Variants in COL25A1 observed in about 807,000 individuals in gnomAD.
COL25A1 encodes the protein collagen type XXV alpha 1 chain.
A neutral mutation model predicts 128.4 loss-of-function variants in COL25A1; 103 were observed. That is an observed-to-expected ratio of 0.80 (90% CI 0.68 to 0.94). The LOEUF is 0.94. Among genes scored for constraint, COL25A1 ranks in the 40% least tolerant of loss-of-function variants. COL25A1 has a pLI of 0.00. For synonymous variants in COL25A1, 279 were observed against 277.2 expected (o/e 1.01, Z -0.06); for missense variants, 745 against 840.0 (o/e 0.89, Z 1.40).
intron 6 of COL25A1, among the ~76,000 whole-genome samples, chr4:109,007,418 T>C (rs1756130331): frequency 6.6e-6 from 1 of 152,196 alleles, no homozygotes; most frequent in Non-Finnish European, 1.5e-5. Flanking sequence ...AATATTATGA[T>C]AATGATGTAG....
rs111976168 is a variant in COL25A1, at chr4:109,108,205, G to A, written c.368-58026C>T. ...CTCCCCCCACCCCACAACAGGCCCC[G>A]GTGTGTGATGTTCCCCTTCCTGTAT... On this transcript the variant is annotated intron_variant, in intron 3 of 37. Coordinates refer to ENST00000399132, the MANE Select transcript of COL25A1 (RefSeq NM_198721.4). 3.5e-3 allele frequency among the ~76,000 whole-genome samples: 527 copies of A among 152,102 alleles called. 3 individuals are homozygous for A. Among genetic ancestry groups the A allele is most frequent in the African/African-American group, 0.012 (502 of 41,474 alleles).
At chr4:108,894,388 G>T (rs1332286355) in intron 16 of COL25A1, among the ~76,000 whole-genome samples, 1 of 152,012 alleles carries the variant, frequency 6.6e-6, no homozygotes, top group African/African-American at 2.4e-5. Context: ...ACTGCCCTCG[G>T]TGTAGAATAT....
At chr4:109,145,068 T>C (rs1428704492) in intron 3 of COL25A1, among the ~76,000 whole-genome samples, 2 of 20,922 alleles carry the variant, frequency 9.6e-5, no homozygotes, top group Admixed American at 4.3e-4. Flanking sequence ...AAACCTCAGC[T>C]TTTTTTTTTT....
intron 8 of COL25A1, among the ~76,000 whole-genome samples, chr4:108,956,647 C>T (rs1288130507): frequency 1.3e-5 from 2 of 152,208 alleles, no homozygotes; most frequent in Non-Finnish European, 2.9e-5. Context: ...CTCAGGTGAT[C>T]CACCTGCTTT....
At position 108,889,708 on chromosome 4, in the gene COL25A1, C is replaced by T. The variant is rs1741264503; in HGVS notation, c.932G>A (p.Gly311Glu). 2 of 1,613,520 alleles carry T rather than the reference C, an allele frequency of 1.2e-6. No individual in the cohort carries two copies. Among genetic ancestry groups the T allele is most frequent in the Non-Finnish European group, 1.7e-6 (2 of 1,179,596 alleles). ...EKGDPGSSAA[G>E]IKGEPGESGR... is the part of the protein sequence containing the mutation. Reference sequence around the variant, plus strand: ...TTGCAAGGTTATAGTTACCTTAATTCCTGCAGCAGATGATCCAGGGTCACC... The same window carrying T: ...TTGCAAGGTTATAGTTACCTTAATTTCTGCAGCAGATGATCCAGGGTCACC... The change falls in exon 17 of 38, where the codon GGA becomes GAA. Residue 311 changes from glycine to glutamate, a missense_variant. Coordinates refer to ENST00000399132, the MANE Select transcript of COL25A1 (RefSeq NM_198721.4).
chr4:108,920,660 G>A, intron 11 of COL25A1, 56 bp from the exon 12 acceptor site: 1 of 1,377,046 alleles, frequency 7.3e-7, no homozygotes, highest in South Asian at 1.2e-5. Context: ...AAGCTTAGAT[G>A]ACCAATTTAA....
At chr4:109,028,209 C>T (rs570364487) in intron 5 of COL25A1, among the ~76,000 whole-genome samples, 15 of 152,166 alleles carry the variant, frequency 9.9e-5, no homozygotes, top group African/African-American at 3.4e-4. Context: ...ATTGCAGTCT[C>T]ACACTCCTCC....
intron 3 of COL25A1, among the ~76,000 whole-genome samples, chr4:109,274,829 A>G (rs1189266853): frequency 6.6e-6 from 1 of 152,200 alleles, no homozygotes; most frequent in Admixed American, 6.5e-5. Context: ...ATTGTCTAGG[A>G]ATATTACACT....
At chr4:109,151,406 A>G (rs1251638143) in intron 3 of COL25A1, among the ~76,000 whole-genome samples, 1 of 152,134 alleles carries the variant, frequency 6.6e-6, no homozygotes, top group African/African-American at 2.4e-5. Context: ...TTAATCACAA[A>G]ATAAGCACAG....
At chr4:109,103,416 G>A (rs1560696985) in intron 3 of COL25A1, among the ~76,000 whole-genome samples, 1 of 152,042 alleles carries the variant, frequency 6.6e-6, no homozygotes, top group African/African-American at 2.4e-5. Flanking sequence ...TGCACTATCT[G>A]TGTTAGTCAA....
At chr4:108,867,658 G>C (rs1367480359) in intron 20 of COL25A1, among the ~76,000 whole-genome samples, 2 of 152,092 alleles carry the variant, frequency 1.3e-5, no homozygotes, top group Non-Finnish European at 2.9e-5. Flanking sequence ...ACATATTTCT[G>C]TAACTCTTGG....
chr4:109,296,214 A>C (rs970558378), intron 3 of COL25A1, among the ~76,000 whole-genome samples: 2 of 152,084 alleles, frequency 1.3e-5, no homozygotes, highest in Non-Finnish European at 2.9e-5. Flanking sequence ...AAGGCAAATC[A>C]GCTTTTTATC....
intron 6 of COL25A1, among the ~76,000 whole-genome samples, chr4:108,974,773 C>A (rs1000272622): frequency 6.6e-6 from 1 of 152,106 alleles, no homozygotes; most frequent in East Asian, 1.9e-4. Flanking sequence ...CATATCATGT[C>A]ATAAGTACAT....
At chr4:109,027,973 T>G (rs982102327) in intron 5 of COL25A1, among the ~76,000 whole-genome samples, 1 of 152,140 alleles carries the variant, frequency 6.6e-6, no homozygotes, top group African/African-American at 2.4e-5. Context: ...TTCTGAGAGT[T>G]CAGACTGGAG....
At chr4:109,262,085 G>C (rs533884153) in intron 3 of COL25A1, among the ~76,000 whole-genome samples, 1 of 152,242 alleles carries the variant, frequency 6.6e-6, no homozygotes, top group South Asian at 2.1e-4. Context: ...GCAAGAATAA[G>C]TGGTTAGAGA....
chr4:109,136,430 A>G (rs547775288), intron 3 of COL25A1, among the ~76,000 whole-genome samples: 1 of 152,326 alleles, frequency 6.6e-6, no homozygotes, highest in East Asian at 1.9e-4. Context: ...CTTAAAGACC[A>G]ATACATGCTA....
At chr4:109,139,577 G>A (rs1170471064) in intron 3 of COL25A1, among the ~76,000 whole-genome samples, 3 of 152,190 alleles carry the variant, frequency 2.0e-5, no homozygotes, top group Admixed American at 6.5e-5. Flanking sequence ...ATTAAATATG[G>A]AATCTTTTCC....
At chr4:109,165,550 T>C (rs1444059644) in intron 3 of COL25A1, among the ~76,000 whole-genome samples, 2 of 152,088 alleles carry the variant, frequency 1.3e-5, no homozygotes, top group East Asian at 1.9e-4. Context: ...ACCCAGTCTC[T>C]ACAAGAAATT....
intron 3 of COL25A1, among the ~76,000 whole-genome samples, chr4:109,155,787 C>T (rs1396390296): frequency 6.6e-6 from 1 of 152,156 alleles, no homozygotes; most frequent in African/African-American, 2.4e-5. Context: ...TTGGTTAAAC[C>T]AGGCACCATT....
Sources: gnomAD v4.1 joint callset for allele counts (sites outside exome capture counted in the v4.1 genomes callset) on GRCh38, gnomAD v4.1.1 for gene constraint, MANE v1.5 for transcripts, NCBI Gene and HGNC (gene_info 2026-07-23, HGNC 2026-07-21) for gene names.